The following ZNF438 variants were observed in gnomAD, a reference collection of about 807,000 sequenced individuals.
The protein encoded by ZNF438 is zinc finger protein 438.
In ZNF438, 25 loss-of-function variants were observed where a neutral mutation model predicts 38.0. The observed-to-expected ratio is 0.66, with a 90% CI of 0.48 to 0.92. The LOEUF is 0.92. Ranked by LOEUF, ZNF438 falls within the 40% of genes least tolerant of loss-of-function variation. ZNF438 has a pLI of 0.00. For missense variants in ZNF438, 1,007 were observed against 999.6 expected (o/e 1.01, Z -0.10); for synonymous variants, 372 against 364.1 (o/e 1.02, Z -0.25).
intron 1 of ZNF438, among the ~76,000 whole-genome samples, chr10:30,978,209 G>A (rs2051648181): frequency 6.6e-6 from 1 of 152,102 alleles, no homozygotes; most frequent in East Asian, 1.9e-4. Context: ...TTCATTCCGA[G>A]GATTCCAATA....
At position 31,010,892 on chromosome 10, in the gene ZNF438, GAAAAAAAAAAAAAA is replaced by G. The variant is rs563189482; in HGVS notation, c.-192+20927_-192+20940del. ...TGGATAACGAAGTGAGACCCTGTTTGAAAAAAAAAAAAAAAAAAAAAAAAAAAAAAGATTTTGTT... is the reference window on the plus strand; with the variant it reads ...TGGATAACGAAGTGAGACCCTGTTTGAAAAAAAAAAAAAAAAGATTTTGTT... On this transcript the variant is annotated intron_variant, in intron 1 of 5. Coordinates refer to ENST00000413025, the Ensembl canonical transcript of ZNF438. Among the ~76,000 whole-genome samples the G allele has an allele frequency of 1.8e-3, 166 of 92,592 alleles. 2 individuals are homozygous for G. The highest frequency in any genetic ancestry group is 7.5e-3 in the African/African-American group (141 of 18,714). 60.7% of individuals were successfully genotyped at this position (92,592 alleles called of 152,430 possible). A position where few individuals can be genotyped will look rare whatever the true frequency, so the allele number is the denominator to read the frequency against.
At chr10:30,930,413 G>C (rs921336945) in intron 2 of ZNF438, among the ~76,000 whole-genome samples, 1 of 151,956 alleles carries the variant, frequency 6.6e-6, no homozygotes, top group East Asian at 1.9e-4. Flanking sequence ...GTTCCCACCC[G>C]CGCATCTCCC....
In ZNF438 at chr10:30,984,782, G is replaced by A. The variant is rs571003422; in HGVS notation, c.-191-43131C>T. ...CAAACAAGTGATTCATATTCAGGGC[G>A]CAGCCTTTTTGACAGGAAAACAGTA... is the stretch of plus-strand genomic sequence containing the variant. On this transcript the variant is annotated intron_variant, in intron 1 of 5. Transcript: ENST00000413025. 2.4e-4 allele frequency among the ~76,000 whole-genome samples: 37 copies of A among 152,266 alleles called. No individual in the cohort carries two copies. In the East Asian group the frequency reaches 5.4e-3, roughly 22 times the overall value.
intron 1 of ZNF438, among the ~76,000 whole-genome samples, chr10:31,016,914 A>C (rs2056237851): frequency 6.6e-6 from 1 of 152,162 alleles, no homozygotes; most frequent in African/African-American, 2.4e-5. Flanking sequence ...GGATAACTTG[A>C]AGTCTCATCC....
intron 2 of ZNF438, among the ~76,000 whole-genome samples, chr10:30,929,625 G>A (rs964617267): frequency 3.3e-5 from 5 of 152,196 alleles, no homozygotes; most frequent in South Asian, 2.1e-4. Flanking sequence ...TGCTGGCTGC[G>A]GTAGCCTGCT....
intron 1 of ZNF438, among the ~76,000 whole-genome samples, chr10:31,030,287 G>A (rs778379215): frequency 1.3e-5 from 2 of 151,918 alleles, no homozygotes; most frequent in Non-Finnish European, 2.9e-5. Context: ...TCCCTTCACT[G>A]CACTTATGAC....
intron 2 of ZNF438, among the ~76,000 whole-genome samples, chr10:30,932,278 A>G (rs2045778592): frequency 6.6e-6 from 1 of 152,198 alleles, no homozygotes; most frequent in African/African-American, 2.4e-5. Flanking sequence ...TCATGCAACA[A>G]TTCTACCTAC....
intron 1 of ZNF438, among the ~76,000 whole-genome samples, chr10:30,957,374 A>AT (rs767511241): frequency 6.6e-6 from 1 of 152,148 alleles, no homozygotes; most frequent in East Asian, 1.9e-4. Context: ...CCTTTGCTGT[A>AT]TAGAGCTTTA....
At chr10:30,868,651 ACC>A (rs2036876918) in intron 4 of ZNF438, among the ~76,000 whole-genome samples, 1 of 152,210 alleles carries the variant, frequency 6.6e-6, no homozygotes, top group African/African-American at 2.4e-5. Flanking sequence ...AATCCTAAAT[ACC>A]CCTGTCAAAC....
chr10:30,966,196 G>A (rs113768158), intron 1 of ZNF438, among the ~76,000 whole-genome samples: 27 of 152,160 alleles, frequency 1.8e-4, no homozygotes, highest in African/African-American at 6.0e-4. Context: ...AGGGCTTGGT[G>A]GCATTTGCCT....
At chr10:30,976,004 A>T (rs2051300538) in intron 1 of ZNF438, among the ~76,000 whole-genome samples, 1 of 152,106 alleles carries the variant, frequency 6.6e-6, no homozygotes, top group Non-Finnish European at 1.5e-5. Context: ...TTATCAAGAG[A>T]TACCATCCTA....
chr10:30,875,014 T>C (rs986072184), intron 4 of ZNF438, among the ~76,000 whole-genome samples: 6 of 152,160 alleles, frequency 3.9e-5, no homozygotes, highest in African/African-American at 9.7e-5. Context: ...GGTAGAATGA[T>C]TATCACAATG....
intron 1 of ZNF438, among the ~76,000 whole-genome samples, chr10:30,944,307 T>C (rs1370899021): frequency 6.6e-6 from 1 of 152,180 alleles, no homozygotes; most frequent in African/African-American, 2.4e-5. Context: ...GTAGGAAGAC[T>C]AGATGCAAAG....
At chr10:31,005,222 A>G (rs895571295) in intron 1 of ZNF438, among the ~76,000 whole-genome samples, 2 of 152,154 alleles carry the variant, frequency 1.3e-5, no homozygotes, top group East Asian at 1.9e-4. Flanking sequence ...TGAAACAACC[A>G]AAGTGTCTGT....
intron 2 of ZNF438, among the ~76,000 whole-genome samples, chr10:30,915,185 G>A (rs896671979): frequency 1.3e-5 from 2 of 151,996 alleles, no homozygotes; most frequent in Non-Finnish European, 2.9e-5. Flanking sequence ...CTTGCTTTGT[G>A]CCCTATGAAG....
chr10:30,951,474 C>G (rs573206081), intron 1 of ZNF438, among the ~76,000 whole-genome samples: 1 of 151,976 alleles, frequency 6.6e-6, no homozygotes, highest in African/African-American at 2.4e-5. Flanking sequence ...TGTTTGCAGA[C>G]GACATGATTG....
intron 1 of ZNF438, among the ~76,000 whole-genome samples, chr10:30,965,458 C>G (rs142419274): frequency 6.6e-5 from 10 of 152,224 alleles, no homozygotes; most frequent in African/African-American, 2.4e-4. Flanking sequence ...GTTCTACAAA[C>G]AAGACACATG....
chr10:30,922,174 T>C (rs2044374102), intron 2 of ZNF438, among the ~76,000 whole-genome samples: 1 of 152,206 alleles, frequency 6.6e-6, no homozygotes, highest in African/African-American at 2.4e-5. Flanking sequence ...CTCTTATTAG[T>C]GTTAAAGACG....
At chr10:30,860,316 T>C (rs144885036) in intron 4 of ZNF438, among the ~76,000 whole-genome samples, 12 of 152,358 alleles carry the variant, frequency 7.9e-5, no homozygotes, top group African/African-American at 2.6e-4. Flanking sequence ...TGTTCAATTA[T>C]ATTTCTCCAC....
Sources: gnomAD v4.1 joint callset for allele counts (sites outside exome capture counted in the v4.1 genomes callset) on GRCh38, gnomAD v4.1.1 for gene constraint, MANE v1.5 for transcripts, NCBI Gene and HGNC (gene_info 2026-07-23, HGNC 2026-07-21) for gene names.